The following TRAF3IP1 variants were observed in gnomAD, a reference collection of about 807,000 sequenced individuals.
TRAF3IP1 encodes the protein TRAF3-interacting protein 1.
Under a neutral mutation model 89.9 loss-of-function variants are expected in TRAF3IP1, and 53 were observed. The observed-to-expected ratio is 0.59, with a 90% CI of 0.47 to 0.74. The LOEUF (loss-of-function observed/expected upper bound fraction) is 0.74. Ranked by LOEUF, TRAF3IP1 falls within the 30% of genes least tolerant of loss-of-function variation. TRAF3IP1 has a pLI of 0.00. For synonymous variants in TRAF3IP1, 311 were observed against 322.1 expected (o/e 0.97, Z 0.37); for missense variants, 806 against 866.1 (o/e 0.93, Z 0.87).
chr2:238,385,781 A>T (rs1263588598), intron 15 of TRAF3IP1, among the ~76,000 whole-genome samples: 1 of 152,126 alleles, frequency 6.6e-6, no homozygotes, highest in Admixed American at 6.5e-5. Flanking sequence ...CCTACATGGG[A>T]GTTTCATCAC....
At chr2:238,389,845 T>G (rs561336972) in intron 15 of TRAF3IP1, among the ~76,000 whole-genome samples, 1 of 152,100 alleles carries the variant, frequency 6.6e-6, no homozygotes, top group African/African-American at 2.4e-5. Context: ...TAATGTGTAT[T>G]TATATGACTT....
At position 238,357,315 on chromosome 2, in the gene TRAF3IP1, TTC is replaced by T. The variant is rs562836492; in HGVS notation, c.1689+1237_1689+1238del. ...TTAAAGAGGAAGAAGAATTTTTTTTTTCTTTTAAACAGAAGTTTCTTGGATAT... is the reference window on the plus strand; with the variant it reads ...TTAAAGAGGAAGAAGAATTTTTTTTTTTTTAAACAGAAGTTTCTTGGATAT... On this transcript the variant is annotated intron_variant, in intron 15 of 16. Coordinates refer to ENST00000373327, the MANE Select transcript of TRAF3IP1 (RefSeq NM_015650.4). Among the ~76,000 whole-genome samples, 57 of 152,336 alleles carry T rather than the reference TTC, an allele frequency of 3.7e-4. 2 individuals carry two copies. The South Asian group carries it at 0.012, about 31-fold the overall frequency.
At chr2:238,385,655 C>T (rs1160589696) in intron 15 of TRAF3IP1, among the ~76,000 whole-genome samples, 2 of 152,188 alleles carry the variant, frequency 1.3e-5, no homozygotes, top group East Asian at 1.9e-4. Flanking sequence ...GGACTGGTTT[C>T]GTGAAAGCCA....
rs1377942504 is a variant in TRAF3IP1 at position 238,320,740 on chromosome 2, G to T, written c.78G>T (p.Leu26=). 6.9e-7 allele frequency: 1 copy of T among 1,447,870 alleles called. No individual in the cohort carries two copies. The highest frequency in any genetic ancestry group is 9.2e-7 in the Non-Finnish European group (1 of 1,088,830). 89.7% of individuals were successfully genotyped at this position (1,447,870 alleles called of 1,614,324 possible). ...GGAGGCCGCCGCTGACCGAGAAGCT[G>T]CTGAGCAAGCCCCCGTTCCGCTACC... ...VIRRPPLTEK[L]LSKPPFRYLH... Residue 26 remains leucine, a synonymous_variant, in exon 1 of 17, where the codon CTG becomes CTT. Transcript: ENST00000373327.
rs546466816 is a variant in TRAF3IP1, at chr2:238,329,425, A to G, written c.915+83A>G. ...ACATGATTTTTACCTTTCTTACAAT[A>G]TGACTAGGAAACTGGTTTTCTTTTA... On this transcript the variant is annotated intron_variant, in intron 5 of 16. Coordinates refer to ENST00000373327, the MANE Select transcript of TRAF3IP1 (RefSeq NM_015650.4). The G allele has an allele frequency of 6.7e-5, 82 of 1,226,332 alleles. 1 individual carries two copies. The South Asian group carries it at 1.9e-3, about 29-fold the overall frequency. The allele number at this position is 1,226,332 out of a possible 1,614,324, so 76.0% of individuals were successfully genotyped here. A position where few individuals can be genotyped will look rare whatever the true frequency, so the allele number is the denominator to read the frequency against.
At chr2:238,367,519 C>T (rs541636881) in intron 15 of TRAF3IP1, among the ~76,000 whole-genome samples, 21 of 152,338 alleles carry the variant, frequency 1.4e-4, no homozygotes, top group Admixed American at 2.6e-4. Flanking sequence ...CTTTGGTGCA[C>T]GCTCAGCATG....
At chr2:238,359,740 T>C (rs915872803) in intron 15 of TRAF3IP1, among the ~76,000 whole-genome samples, 10 of 152,202 alleles carry the variant, frequency 6.6e-5, no homozygotes, top group African/African-American at 2.4e-4. Flanking sequence ...ATGAATACAG[T>C]AGAACCCCTC....
chr2:238,350,436 A>G (rs1654411638), intron 12 of TRAF3IP1, among the ~76,000 whole-genome samples: 1 of 152,100 alleles, frequency 6.6e-6, no homozygotes, highest in Non-Finnish European at 1.5e-5. Context: ...TATTTTTCTC[A>G]TGAGCCGTAA....
At chr2:238,358,679 G>A (rs765567911) in intron 15 of TRAF3IP1, among the ~76,000 whole-genome samples, 1 of 152,170 alleles carries the variant, frequency 6.6e-6, no homozygotes, top group South Asian at 2.1e-4. Flanking sequence ...TGTCACCCTC[G>A]TGTTGATCTG....
At position 238,327,200 on chromosome 2, in the gene TRAF3IP1, C is replaced by T. The variant is rs77735332; in HGVS notation, c.354+1230C>T. Among the ~76,000 whole-genome samples, 14 of 152,366 alleles carry T rather than the reference C, an allele frequency of 9.2e-5. No individual in the cohort carries two copies. In the East Asian group the frequency reaches 2.7e-3, roughly 29 times the overall value. ...TCCCGTCGGCCTCTTGCCCTGGTGC[C>T]TGCTGGCTTCTTGGTACCTGAGCTG... On this transcript the variant is annotated intron_variant, in intron 3 of 16. Transcript: ENST00000373327.
intron 8 of TRAF3IP1, among the ~76,000 whole-genome samples, chr2:238,342,003 T>C (rs940315938): frequency 6.6e-6 from 1 of 152,190 alleles, no homozygotes; most frequent in Non-Finnish European, 1.5e-5. Context: ...TTTTATTTCT[T>C]TTTTGAGATG....
rs1025508246 is a variant in TRAF3IP1, at chr2:238,351,522, G to A, written c.1452-1305G>A. Among the ~76,000 whole-genome samples, 14 of 152,270 alleles carry A rather than the reference G, an allele frequency of 9.2e-5. No individual in the cohort carries two copies. The highest frequency in any genetic ancestry group is 3.4e-4 in the African/African-American group (14 of 41,556). On this transcript the variant is annotated intron_variant, in intron 12 of 16. Coordinates refer to ENST00000373327, the MANE Select transcript of TRAF3IP1 (RefSeq NM_015650.4). This position sits in a 1 kb window ranked among gnomAD's most constrained non-coding sequence, Gnocchi z 5.2. The stretch of plus-strand genomic sequence containing the variant: ...GTGTCCTGGAGAGCAAGGCGGGACA[G>A]AGAGGGCCTGCCGATCACGGCAGGC...
At chr2:238,394,058 T>C (rs1431497646) in intron 15 of TRAF3IP1, among the ~76,000 whole-genome samples, 1 of 152,144 alleles carries the variant, frequency 6.6e-6, no homozygotes. Context: ...TAGCTGGGCA[T>C]GCTGGTGTGC....
chr2:238,341,967 GC>G (rs34880492), intron 8 of TRAF3IP1, among the ~76,000 whole-genome samples: 17,670 of 151,162 alleles, frequency 0.12, 1,744 homozygotes, highest in African/African-American at 0.27. Flanking sequence ...TTTTTATTTT[GC>G]CAATTCATAG....
intron 15 of TRAF3IP1, among the ~76,000 whole-genome samples, chr2:238,369,370 A>G (rs2106348546): frequency 6.6e-6 from 1 of 152,322 alleles, no homozygotes; most frequent in Non-Finnish European, 1.5e-5. Context: ...AGCGCGTTCC[A>G]CTGTCTTCCA....
chr2:238,397,123 C>G (rs1701261287), intron 15 of TRAF3IP1, among the ~76,000 whole-genome samples: 1 of 152,216 alleles, frequency 6.6e-6, no homozygotes, highest in South Asian at 2.1e-4. Context: ...ACAATAGCTA[C>G]AAAAGTTGCT....
intron 8 of TRAF3IP1, 103 bp downstream of exon 8, chr2:238,338,560 T>C (rs1347459942): frequency 1.7e-5 from 11 of 645,594 alleles, no homozygotes; most frequent in Non-Finnish European, 2.8e-5. Flanking sequence ...CTAACTACTT[T>C]AATGTTCATG....
intron 15 of TRAF3IP1, among the ~76,000 whole-genome samples, chr2:238,380,375 T>G (rs1700494456): frequency 6.6e-6 from 1 of 152,080 alleles, no homozygotes; most frequent in Non-Finnish European, 1.5e-5. Flanking sequence ...GAAAATATGG[T>G]GTCTTCATGC....
At chr2:238,352,060 G>A (rs1398456995) in intron 12 of TRAF3IP1, among the ~76,000 whole-genome samples, 1 of 152,010 alleles carries the variant, frequency 6.6e-6, no homozygotes, top group African/African-American at 2.4e-5. Flanking sequence ...TTTGGGTCGG[G>A]GGCTCACATT....
Sources: allele counts gnomAD v4.1 joint callset (sites outside exome capture counted in the v4.1 genomes callset), GRCh38; gene constraint gnomAD v4.1.1; non-coding constraint Gnocchi (gnomAD v3.1); transcripts MANE v1.5; gene names NCBI Gene and HGNC (gene_info 2026-07-23, HGNC 2026-07-21).